Variants in NCALD observed in about 807,000 individuals in gnomAD.
NCALD encodes the protein neurocalcin-delta.
In NCALD, 10 loss-of-function variants were observed where a neutral mutation model predicts 18.6. The ratio of observed to expected loss-of-function variants is 0.54; its 90% CI spans 0.33 to 0.91. The LOEUF is 0.91. NCALD is among the 40% of genes least tolerant of loss of function. The pLI is 0.03. For missense variants in NCALD, 184 were observed against 247.6 expected (o/e 0.74, Z 1.72); for synonymous variants, 88 against 87.4 (o/e 1.01, Z -0.04).
At chr8:102,098,882 G>A (rs1325505387) in intron 1 of NCALD, among the ~76,000 whole-genome samples, 1 of 152,204 alleles carries the variant, frequency 6.6e-6, no homozygotes, top group African/African-American at 2.4e-5. Context: ...GGATGAGCAT[G>A]TAACCCAACA....
chr8:102,109,438 A>G (rs1825575493), intron 1 of NCALD, among the ~76,000 whole-genome samples: 1 of 152,126 alleles, frequency 6.6e-6, no homozygotes, highest in Non-Finnish European at 1.5e-5. Flanking sequence ...TTAAATAATG[A>G]TTTTTTTGAA....
intron 1 of NCALD, among the ~76,000 whole-genome samples, chr8:102,021,060 C>G (rs1822255935): frequency 6.6e-6 from 1 of 152,172 alleles, no homozygotes; most frequent in Non-Finnish European, 1.5e-5. Context: ...CATTTATTAA[C>G]ACTCCCAAAG....
intron 4 of NCALD, among the ~76,000 whole-genome samples, chr8:101,867,318 G>A (rs961481023): frequency 2.6e-5 from 4 of 152,144 alleles, no homozygotes; most frequent in Admixed American, 2.6e-4. Flanking sequence ...ACTTGCTTAT[G>A]TTGTTCCCTA....
chr8:101,864,593 C>CA, intron 4 of NCALD, among the ~76,000 whole-genome samples: 1 of 136,876 alleles, frequency 7.3e-6, no homozygotes, highest in East Asian at 2.1e-4. Context: ...TCTTTCCTTT[C>CA]TTTTTTTTTT....
intron 2 of NCALD, among the ~76,000 whole-genome samples, chr8:101,916,041 G>T (rs1259086026): frequency 2.0e-5 from 3 of 152,064 alleles, no homozygotes; most frequent in Non-Finnish European, 2.9e-5. Flanking sequence ...GTGGAGGTGA[G>T]GTTCAGCAAA....
chr8:101,855,009 T>C (rs1230074093), intron 4 of NCALD, among the ~76,000 whole-genome samples: 1 of 152,018 alleles, frequency 6.6e-6, no homozygotes, highest in African/African-American at 2.4e-5. Context: ...GTGAGCACAG[T>C]GCTTGGACAC....
intron 4 of NCALD, among the ~76,000 whole-genome samples, chr8:101,884,770 T>C (rs1405322727): frequency 6.6e-6 from 1 of 152,104 alleles, no homozygotes; most frequent in Non-Finnish European, 1.5e-5. Flanking sequence ...GGATGGAAAA[T>C]AGTTGGCAGG....
At chr8:101,987,118 T>A (rs190459191) in intron 2 of NCALD, among the ~76,000 whole-genome samples, 1 of 152,326 alleles carries the variant, frequency 6.6e-6, no homozygotes, top group East Asian at 1.9e-4. Flanking sequence ...ACTCAGAGGA[T>A]AAGTGATAAG....
intron 4 of NCALD, among the ~76,000 whole-genome samples, chr8:101,807,154 C>G (rs971700071): frequency 9.9e-5 from 15 of 152,050 alleles, no homozygotes; most frequent in African/African-American, 2.2e-4. Context: ...ACAAGAAATA[C>G]TAATGGAAGT....
At chr8:101,902,297 C>T (rs58406182) in intron 3 of NCALD, among the ~76,000 whole-genome samples, 10,199 of 143,738 alleles carry the variant, frequency 0.071, 706 homozygotes, top group African/African-American at 0.18. Context: ...TTTTTAACTT[C>T]ATTTTCCTAG....
At chr8:101,977,919 T>C (rs1173526551) in intron 2 of NCALD, among the ~76,000 whole-genome samples, 3 of 152,150 alleles carry the variant, frequency 2.0e-5, no homozygotes, top group African/African-American at 7.2e-5. Context: ...CTGAAAGAAC[T>C]CTAGGTAAGT....
At chr8:101,946,392 T>C (rs1484703868) in intron 2 of NCALD, among the ~76,000 whole-genome samples, 1 of 152,108 alleles carries the variant, frequency 6.6e-6, no homozygotes, top group Non-Finnish European at 1.5e-5. Flanking sequence ...TTGCAACAAA[T>C]TATAGCCAGT....
At chr8:101,733,048 G>T (rs1011100397) in intron 1 of NCALD, among the ~76,000 whole-genome samples, 4 of 152,176 alleles carry the variant, frequency 2.6e-5, no homozygotes, top group African/African-American at 9.7e-5. Flanking sequence ...GGTCCCAGGG[G>T]TGTAGAACCA....
intron 1 of NCALD, among the ~76,000 whole-genome samples, chr8:102,094,496 A>G (rs1169209322): frequency 6.6e-6 from 1 of 152,238 alleles, no homozygotes; most frequent in Non-Finnish European, 1.5e-5. Flanking sequence ...CACATCCTGT[A>G]CTATTTCCAC....
At chr8:101,738,551 A>G (rs567591904) in intron 1 of NCALD, among the ~76,000 whole-genome samples, 1 of 83,096 alleles carries the variant, frequency 1.2e-5, no homozygotes, top group East Asian at 3.6e-4. Context: ...TCTCAAAAAA[A>G]CAAAAAAAAA....
At chr8:101,942,292 G>C (rs1054359085) in intron 2 of NCALD, among the ~76,000 whole-genome samples, 2 of 152,140 alleles carry the variant, frequency 1.3e-5, no homozygotes, top group African/African-American at 4.8e-5. Context: ...GAACTTCACA[G>C]ACAAGTTATT....
chr8:101,994,267 G>A (rs760628837), intron 2 of NCALD, among the ~76,000 whole-genome samples: 2 of 152,134 alleles, frequency 1.3e-5, no homozygotes, highest in Non-Finnish European at 2.9e-5. Context: ...TGCAAGGGGC[G>A]ACTGTGAAGT....
chr8:101,784,297 C>T (rs1291432195), intron 1 of NCALD, among the ~76,000 whole-genome samples: 3 of 152,070 alleles, frequency 2.0e-5, no homozygotes, highest in Middle Eastern at 3.4e-3. Context: ...GGGTTTCCTA[C>T]AATATGGTGA....
At chr8:102,037,259 AAAAG>A (rs1388999600) in intron 1 of NCALD, among the ~76,000 whole-genome samples, 2 of 152,216 alleles carry the variant, frequency 1.3e-5, no homozygotes, top group East Asian at 3.8e-4. Flanking sequence ...TTACAGAGAT[AAAAG>A]AAAGGCATAG....
Sources: gnomAD v4.1 joint callset for allele counts (sites outside exome capture counted in the v4.1 genomes callset) on GRCh38, gnomAD v4.1.1 for gene constraint, MANE v1.5 for transcripts, NCBI Gene and HGNC (gene_info 2026-07-23, HGNC 2026-07-21) for gene names.